Variants in LIG3 observed in about 807,000 individuals in gnomAD.
The protein encoded by LIG3 is DNA ligase 3, also known as ligase II, DNA, ATP-dependent.
In LIG3, 58 loss-of-function variants were observed where a neutral mutation model predicts 110.9. The ratio of observed to expected loss-of-function variants is 0.52; its 90% CI spans 0.42 to 0.65. LIG3 has a LOEUF of 0.65. Ranked by LOEUF, LIG3 falls within the 30% of genes least tolerant of loss-of-function variation. The pLI, the probability that LIG3 is intolerant of heterozygous loss-of-function variation, is 0.00. For missense variants in LIG3, 1,094 were observed against 1,273.8 expected (o/e 0.86, Z 2.15); for synonymous variants, 422 against 472.8 (o/e 0.89, Z 1.39).
At position 34,983,545 on chromosome 17, in the gene LIG3, C is replaced by T. The variant is rs762734586; in HGVS notation, c.540C>T (p.His180=). 2.1e-5 allele frequency: 34 copies of T among 1,612,098 alleles called. No individual in the cohort carries two copies. The Middle Eastern group carries it at 5.3e-4, about 25-fold the overall frequency. The change falls in exon 2 of 20, where the codon CAC becomes CAT. Residue 180 remains histidine, a synonymous_variant. Transcript: ENST00000378526. ...ATGAGAAGGAACAGATAACCCAGCACATTGCAGGTAAGGTAGAGAACACTG... is the reference window on the plus strand; with the variant it reads ...ATGAGAAGGAACAGATAACCCAGCATATTGCAGGTAAGGTAGAGAACACTG... ...EDNEKEQITQ[H]IADLSSKAAG...
At chr17:34,990,843 T>C (rs1025295962) in intron 4 of LIG3, 120 bp from the exon 5 acceptor site, 1 of 860,606 alleles carries the variant, frequency 1.2e-6, no homozygotes, top group Non-Finnish European at 1.8e-6. Context: ...GCAATTCTCC[T>C]GCTTCGGCCT....
chr17:34,986,353 G>C (rs2090655124), intron 3 of LIG3, among the ~76,000 whole-genome samples: 1 of 151,968 alleles, frequency 6.6e-6, no homozygotes, highest in Non-Finnish European at 1.5e-5. Context: ...ATGAAATCTT[G>C]CTCTGTCATC....
chr17:34,980,660 C>A (rs950474976), intron 1 of LIG3, 38 bp downstream of exon 1: 36 of 1,145,802 alleles, frequency 3.1e-5, no homozygotes, highest in South Asian at 4.5e-5. Context: ...GCGGCGGGGC[C>A]CGGCGTGGGG....
At chr17:34,997,424 G>C (rs979787128) in intron 11 of LIG3, 1 of 288,642 alleles carries the variant, frequency 3.5e-6, no homozygotes, top group Non-Finnish European at 6.9e-6. Context: ...ATGAGAGTTG[G>C]AGTCGTATTT....
chr17:34,993,568 T>A (rs1173782873), intron 8 of LIG3, among the ~76,000 whole-genome samples: 1 of 152,368 alleles, frequency 6.6e-6, no homozygotes, highest in African/African-American at 2.4e-5. Flanking sequence ...AGCTTAGTGG[T>A]TAACCACACA....
chr17:35,005,677 T>C lies in LIG3; in HGVS notation c.*1171T>C. On this transcript the variant is annotated 3_prime_UTR_variant, in exon 20 of 20. Transcript: ENST00000378526. ...CTATTCATTGGATTCGTCTGTGTCC[T>C]ACTGAGTTTTTTCATGGCTGGAGTA... 1 of 563,634 alleles carries C rather than the reference T, an allele frequency of 1.8e-6. No individual in the cohort carries two copies. The allele number at this position is 563,634 out of a possible 1,614,324, so 34.9% of individuals were successfully genotyped here.
rs1007147425 is a variant in LIG3 at position 35,004,879 on chromosome 17, C to T, written c.*373C>T. The T allele has an allele frequency of 3.8e-6, 1 of 265,078 alleles. No individual in the cohort carries two copies. Among genetic ancestry groups the T allele is most frequent in the South Asian group, 4.8e-5 (1 of 20,892 alleles). The allele number at this position is 265,078 out of a possible 1,614,324, so 16.4% of individuals were successfully genotyped here. On this transcript the variant is annotated 3_prime_UTR_variant, in exon 20 of 20. Coordinates refer to ENST00000378526, the MANE Select transcript of LIG3 (RefSeq NM_013975.4). Reference sequence around the variant, plus strand: ...AGGAGTAAAGGCTGGGCTATGGCAGCTCTGTCCACAAAGCCTTCTCTCCCA... The same window carrying T: ...AGGAGTAAAGGCTGGGCTATGGCAGTTCTGTCCACAAAGCCTTCTCTCCCA...
chr17:34,993,713 A>G (rs888022212), intron 8 of LIG3, among the ~76,000 whole-genome samples: 5 of 152,234 alleles, frequency 3.3e-5, no homozygotes, highest in African/African-American at 1.2e-4. Context: ...AGGATGTCAC[A>G]TCGGGGATGA....
At chr17:34,996,232 G>T in intron 10 of LIG3, 37 bp downstream of exon 10, 1 of 1,607,878 alleles carries the variant, frequency 6.2e-7, no homozygotes, top group South Asian at 1.1e-5. Flanking sequence ...GAATGAATGA[G>T]TGTGAGTGAG....
chr17:35,010,316 C>G (rs1409541462), downstream of LIG3: 1 of 152,216 alleles, frequency 6.6e-6, no homozygotes, highest in Non-Finnish European at 1.5e-5. Flanking sequence ...GGAAAACACT[C>G]TGCTTTCCTG....
chr17:35,001,673 C>T (rs921949056), intron 17 of LIG3, among the ~76,000 whole-genome samples: 1 of 152,180 alleles, frequency 6.6e-6, no homozygotes, highest in Non-Finnish European at 1.5e-5. Flanking sequence ...GAGTTTGCTC[C>T]TGTTGCCCCA....
intron 3 of LIG3, among the ~76,000 whole-genome samples, chr17:34,988,991 T>C (rs143402859): frequency 6.6e-6 from 1 of 152,274 alleles, no homozygotes; most frequent in East Asian, 1.9e-4. Flanking sequence ...AGCTTTACAA[T>C]TGCTCTGAGA....
intron 2 of LIG3, 132 bp from the exon 3 acceptor site, chr17:34,985,856 A>C: frequency 1.2e-6 from 1 of 819,234 alleles, no homozygotes; most frequent in South Asian, 1.8e-5. Flanking sequence ...ACCAGCCACC[A>C]GCCAGCCTTG....
rs917717608 is a variant in LIG3, at chr17:34,990,243, A to G, written c.889+580A>G. 4.6e-5 allele frequency among the ~76,000 whole-genome samples: 7 copies of G among 152,352 alleles called. No individual in the cohort carries two copies. In the East Asian group the frequency reaches 7.7e-4, roughly 17 times the overall value. Reference sequence around the variant, plus strand: ...ACTATAGGAGCATGGGCAGCGATATATAGATATCTTTTGGTCTCTGCTTCT... The same window carrying G: ...ACTATAGGAGCATGGGCAGCGATATGTAGATATCTTTTGGTCTCTGCTTCT... On this transcript the variant is annotated intron_variant, in intron 4 of 19. Transcript: ENST00000378526.
chr17:34,999,354 C>T lies in LIG3; in HGVS notation c.2161C>T (p.Gln721Ter). The change falls in exon 15 of 20, where the codon CAG (glutamine) becomes TAG (stop). Residue 721 changes from glutamine (Q) to a stop codon, truncating the protein, a stop_gained. Coordinates refer to ENST00000378526, the MANE Select transcript of LIG3 (RefSeq NM_013975.4). LOFTEE classifies it high-confidence loss of function. ...CATGGGCTGCTACGACCCTGGCAGC[C>T]AGAAGTGGTGCACAGTCACCAAGTG... is the stretch of plus-strand genomic sequence containing the variant. The part of the protein sequence containing the change: ...FLMGCYDPGS[Q>*]KWCTVTKCAG... 6.2e-7 allele frequency: 1 copy of T among 1,613,986 alleles called. No individual in the cohort carries two copies. Among genetic ancestry groups the T allele is most frequent in the Non-Finnish European group, 8.5e-7 (1 of 1,179,918 alleles).
chr17:34,980,653 G>A (rs2090572726), intron 1 of LIG3, 31 bp downstream of exon 1: 6 of 1,173,550 alleles, frequency 5.1e-6, no homozygotes, highest in Non-Finnish European at 6.5e-6. Context: ...GCACGGCGCG[G>A]CGGGGCCCGG....
chr17:34,998,195 T>C, intron 12 of LIG3, 24 bp from the exon 13 acceptor site: 9 of 1,594,802 alleles, frequency 5.6e-6, no homozygotes, highest in Non-Finnish European at 7.7e-6. Flanking sequence ...TCACACCAAC[T>C]TCAGCATCTC....
At position 34,997,768 on chromosome 17, in the gene LIG3, T is replaced by C. The variant is rs1357069182; in HGVS notation, c.1854T>C (p.His618=). The change falls in exon 12 of 20, where the codon CAT becomes CAC. Residue 618 remains histidine (H), a synonymous_variant. Transcript: ENST00000378526. ...RPLCERRKFL[H]DNMVEIPNRI... is the part of the protein sequence containing the mutation. Reference sequence around the variant, plus strand: ...TGTGTGAGCGGCGGAAGTTTCTTCATGACAACATGGTTGAAATTCCAAACC... The same window carrying C: ...TGTGTGAGCGGCGGAAGTTTCTTCACGACAACATGGTTGAAATTCCAAACC... 6.2e-7 allele frequency: 1 copy of C among 1,614,074 alleles called. No homozygotes were observed. Among genetic ancestry groups the C allele is most frequent in the Admixed American group, 1.7e-5 (1 of 60,004 alleles).
In LIG3 at chr17:35,008,035, C is replaced by T. The variant is rs1005039422; in HGVS notation, c.*3529C>T. On this transcript the variant is annotated 3_prime_UTR_variant, in exon 20 of 20. Coordinates refer to ENST00000378526, the MANE Select transcript of LIG3 (RefSeq NM_013975.4). ...GGATTACAGGCGTGAGCCATGGCGCCCAGCCTGGGCCAACCTTTTCTGAGC... is the reference window on the plus strand; with the variant it reads ...GGATTACAGGCGTGAGCCATGGCGCTCAGCCTGGGCCAACCTTTTCTGAGC... 2 of 152,284 alleles carry T rather than the reference C, an allele frequency of 1.3e-5. No homozygotes were observed. The highest frequency in any genetic ancestry group is 2.4e-5 in the African/African-American group (1 of 41,454). 9.4% of individuals were successfully genotyped at this position (152,284 alleles called of 1,614,324 possible). A position where few individuals can be genotyped will look rare whatever the true frequency, so the allele number is the denominator to read the frequency against.
Sources: allele counts gnomAD v4.1 joint callset (sites outside exome capture counted in the v4.1 genomes callset), GRCh38; gene constraint gnomAD v4.1.1; transcripts MANE v1.5; gene names NCBI Gene and HGNC (gene_info 2026-07-23, HGNC 2026-07-21).